The following AMPH variants were observed in gnomAD, a reference collection of about 807,000 sequenced individuals.
AMPH encodes amphiphysin (Stiff-Mann syndrome with breast cancer 128kD autoantigen).
Under a neutral mutation model 99.1 loss-of-function variants are expected in AMPH, and 49 were observed. The observed-to-expected ratio is 0.49, with a 90% CI of 0.39 to 0.63. The LOEUF (loss-of-function observed/expected upper bound fraction) is 0.63. AMPH is among the 20% of genes least tolerant of loss of function. AMPH has a pLI of 0.00. For synonymous variants in AMPH, 314 were observed against 317.3 expected (o/e 0.99, Z 0.11); for missense variants, 759 against 863.4 (o/e 0.88, Z 1.52).
chr7:38,598,175 T>C (rs1389393667), intron 1 of AMPH, among the ~76,000 whole-genome samples: 1 of 152,238 alleles, frequency 6.6e-6, no homozygotes, highest in Non-Finnish European at 1.5e-5. Context: ...TCCAACAAGA[T>C]AAGGTCAACT....
intron 7 of AMPH, among the ~76,000 whole-genome samples, chr7:38,466,506 A>C (rs74690517): frequency 0.096 from 14,561 of 151,632 alleles, 916 homozygotes; most frequent in Middle Eastern, 0.2. Flanking sequence ...CTCAAACTTT[A>C]GTGTGCATGA....
chr7:38,436,529 C>T, intron 11 of AMPH, 141 bp from the exon 12 acceptor site: 5 of 642,736 alleles, frequency 7.8e-6, no homozygotes, highest in South Asian at 7.6e-5. Flanking sequence ...GTGGCTCACC[C>T]ATATGCACCC....
At chr7:38,451,349 G>T (rs542626739) in intron 11 of AMPH, among the ~76,000 whole-genome samples, 1 of 149,472 alleles carries the variant, frequency 6.7e-6, no homozygotes, top group Non-Finnish European at 1.5e-5. Flanking sequence ...ACATATATAC[G>T]TTATATACAC....
intron 11 of AMPH, among the ~76,000 whole-genome samples, chr7:38,451,381 C>CATATAT (rs1787022916): frequency 2.7e-5 from 4 of 150,066 alleles, no homozygotes; most frequent in Admixed American, 1.3e-4. Flanking sequence ...TGTATATACA[C>CATATAT]ATGTATATAT....
intron 11 of AMPH, among the ~76,000 whole-genome samples, chr7:38,459,712 T>TAAACATA (rs1787367221): frequency 6.6e-6 from 1 of 152,054 alleles, no homozygotes; most frequent in Non-Finnish European, 1.5e-5. Context: ...ATTAAAGGCT[T>TAAACATA]AGACATAAGA....
At chr7:38,605,241 G>A (rs1414150460) in intron 1 of AMPH, among the ~76,000 whole-genome samples, 2 of 152,148 alleles carry the variant, frequency 1.3e-5, no homozygotes, top group East Asian at 3.8e-4. Context: ...GGGGAACATG[G>A]GCTAAAGTTT....
Position 38,421,945 on chromosome 7 carries a change from T to G in AMPH, c.1272+476A>C, listed in dbSNP as rs1785594143. Among the ~76,000 whole-genome samples the G allele has an allele frequency of 2.0e-5, 3 of 152,214 alleles. No homozygotes were observed. In the South Asian group the frequency reaches 6.2e-4, roughly 31 times the overall value. The stretch of plus-strand genomic sequence containing the variant: ...TACTCATCCCCTAACTAAGCTTTTC[T>G]CTCTCTTCTCATTTGGTATCAAATT... On this transcript the variant is annotated intron_variant, in intron 16 of 20. Coordinates refer to ENST00000356264, the MANE Select transcript of AMPH (RefSeq NM_001635.4).
At chr7:38,494,984 C>G (rs973198133) in intron 3 of AMPH, among the ~76,000 whole-genome samples, 9 of 152,112 alleles carry the variant, frequency 5.9e-5, no homozygotes, top group African/African-American at 2.2e-4. Flanking sequence ...TAGGGCATAA[C>G]AGTCAAAAGT....
chr7:38,576,376 C>T (rs1792245060), intron 1 of AMPH, among the ~76,000 whole-genome samples: 1 of 152,138 alleles, frequency 6.6e-6, no homozygotes, highest in Non-Finnish European at 1.5e-5. Context: ...ACACAACAGT[C>T]CTTCATGTTT....
At chr7:38,587,211 C>G (rs569371774) in intron 1 of AMPH, among the ~76,000 whole-genome samples, 1 of 152,282 alleles carries the variant, frequency 6.6e-6, no homozygotes, top group African/African-American at 2.4e-5. Context: ...CATCTGGACA[C>G]TGAGTCGACA....
rs549533764 is a variant in AMPH, at chr7:38,468,262, C to T, written c.591-2014G>A. ...TATATTTCTTCAATTAAAGTTAACA[C>T]TTTCATTCATTTATTTATTGCTCAT... On this transcript the variant is annotated intron_variant, in intron 7 of 20. Coordinates refer to ENST00000356264, the MANE Select transcript of AMPH (RefSeq NM_001635.4). Among the ~76,000 whole-genome samples, 132 of 152,292 alleles carry T rather than the reference C, an allele frequency of 8.7e-4. 1 individual carries two copies. In the Middle Eastern group the frequency reaches 0.027, roughly 31 times the overall value.
chr7:38,504,224 AT>A (rs1789247787), intron 2 of AMPH, among the ~76,000 whole-genome samples: 1 of 152,248 alleles, frequency 6.6e-6, no homozygotes, highest in African/African-American at 2.4e-5. Flanking sequence ...GTTAAACTAC[AT>A]TATTAAAATT....
intron 17 of AMPH, among the ~76,000 whole-genome samples, chr7:38,394,945 G>C (rs553401609): frequency 1.8e-4 from 27 of 152,268 alleles, no homozygotes; most frequent in Admixed American, 6.5e-4. Flanking sequence ...TTCAGAAAAA[G>C]CACACGTCAC....
At chr7:38,566,472 A>G (rs1791747936) in intron 1 of AMPH, among the ~76,000 whole-genome samples, 1 of 152,238 alleles carries the variant, frequency 6.6e-6, no homozygotes, top group South Asian at 2.1e-4. Flanking sequence ...AATACCATTC[A>G]GGACATAGGC....
intron 5 of AMPH, among the ~76,000 whole-genome samples, chr7:38,478,679 T>C (rs1314628122): frequency 6.6e-6 from 1 of 152,136 alleles, no homozygotes; most frequent in Non-Finnish European, 1.5e-5. Context: ...TTAAAATGAC[T>C]ACGACTAATA....
intron 17 of AMPH, among the ~76,000 whole-genome samples, chr7:38,409,827 A>G (rs924167416): frequency 1.3e-5 from 2 of 152,326 alleles, no homozygotes; most frequent in Non-Finnish European, 2.9e-5. Flanking sequence ...ATTTTTGGTT[A>G]ATTTGGCCTT....
At chr7:38,567,297 C>A (rs1373193792) in intron 1 of AMPH, among the ~76,000 whole-genome samples, 1 of 152,196 alleles carries the variant, frequency 6.6e-6, no homozygotes, top group East Asian at 1.9e-4. Flanking sequence ...GGACAGAAAA[C>A]CAAACACCGC....
intron 1 of AMPH, among the ~76,000 whole-genome samples, chr7:38,555,935 G>T (rs1196485915): frequency 6.6e-6 from 1 of 152,010 alleles, no homozygotes; most frequent in Non-Finnish European, 1.5e-5. Context: ...CATAAAGATG[G>T]CAACAACAGA....
At chr7:38,608,312 C>G (rs1793505382) in intron 1 of AMPH, among the ~76,000 whole-genome samples, 1 of 152,180 alleles carries the variant, frequency 6.6e-6, no homozygotes, top group South Asian at 2.1e-4. Context: ...GACCATCCAG[C>G]CCTTTATCTC....
Sources: gnomAD v4.1 joint callset for allele counts (sites outside exome capture counted in the v4.1 genomes callset) on GRCh38, gnomAD v4.1.1 for gene constraint, MANE v1.5 for transcripts, NCBI Gene and HGNC (gene_info 2026-07-23, HGNC 2026-07-21) for gene names.